The following FTO variants were observed in gnomAD, a reference collection of about 807,000 sequenced individuals.
FTO encodes the protein FTO alpha-ketoglutarate dependent dioxygenase.
FTO carries 47 observed loss-of-function variants against 63.9 expected under a neutral mutation model. The ratio of observed to expected loss-of-function variants is 0.74; its 90% CI spans 0.58 to 0.94. The LOEUF is 0.94. FTO is among the 40% of genes least tolerant of loss of function. FTO has a pLI of 0.00. For missense variants in FTO, 562 were observed against 618.1 expected (o/e 0.91, Z 0.96); for synonymous variants, 207 against 224.4 (o/e 0.92, Z 0.69).
At chr16:54,100,540 A>G (rs1175841513) in intron 8 of FTO, among the ~76,000 whole-genome samples, 1 of 152,110 alleles carries the variant, frequency 6.6e-6, no homozygotes, top group East Asian at 1.9e-4. Flanking sequence ...TTTTTCGTAC[A>G]GATGGGGTTT....
intron 8 of FTO, among the ~76,000 whole-genome samples, chr16:53,971,156 C>T (rs1364262457): frequency 6.6e-6 from 1 of 152,170 alleles, no homozygotes; most frequent in African/African-American, 2.4e-5. Context: ...GGATGTATTA[C>T]AATATGCAAA....
chr16:53,953,324 T>C (rs2082843823), intron 8 of FTO, among the ~76,000 whole-genome samples: 1 of 152,248 alleles, frequency 6.6e-6, no homozygotes, highest in South Asian at 2.1e-4. Context: ...TCTTTTATTG[T>C]CTGGCCCCAC....
rs2087003986 is a variant in FTO, at chr16:54,121,373, CAG to C, written c.*9460_*9461del. 1 of 152,174 alleles carries C rather than the reference CAG, an allele frequency of 6.6e-6. No homozygotes were observed. The highest frequency in any genetic ancestry group is 2.4e-5 in the African/African-American group (1 of 41,438). The allele number at this position is 152,174 out of a possible 1,614,324, so 9.4% of individuals were successfully genotyped here. On this transcript the variant is annotated 3_prime_UTR_variant, in exon 9 of 9. Coordinates refer to ENST00000471389, the MANE Select transcript of FTO (RefSeq NM_001080432.3). The stretch of plus-strand genomic sequence containing the variant: ...ATACTCATGCCAACATCTCTCTGTA[CAG>C]AAACATGGAAAAAGAGCGATGCTAT...
intron 3 of FTO, among the ~76,000 whole-genome samples, chr16:53,843,265 G>A (rs1042587338): frequency 6.6e-6 from 1 of 152,128 alleles, no homozygotes; most frequent in South Asian, 2.1e-4. Context: ...ATTTCTATAA[G>A]AGTCAAAGAG....
At chr16:53,948,207 T>G (rs1271858237) in intron 8 of FTO, among the ~76,000 whole-genome samples, 1 of 152,124 alleles carries the variant, frequency 6.6e-6, no homozygotes, top group Non-Finnish European at 1.5e-5. Context: ...AGACCTGGTT[T>G]GGAGGGATTT....
intron 7 of FTO, among the ~76,000 whole-genome samples, chr16:53,927,079 T>C (rs190615903): frequency 1.8e-4 from 27 of 152,300 alleles, no homozygotes; most frequent in Non-Finnish European, 3.5e-4. Context: ...TTTGGACATA[T>C]ACTTTTAAAA....
At chr16:53,755,449 G>T (rs1483270840) in intron 1 of FTO, among the ~76,000 whole-genome samples, 4 of 152,096 alleles carry the variant, frequency 2.6e-5, no homozygotes, top group Non-Finnish European at 5.9e-5. Flanking sequence ...GGGATTACAG[G>T]GAGTACTTCA....
chr16:53,991,883 G>A (rs2083818941), intron 8 of FTO: 1 of 152,132 alleles, frequency 6.6e-6, no homozygotes, highest in Admixed American at 6.5e-5. Context: ...CTGAAGTAGG[G>A]TTCAGTTGGG....
At chr16:53,914,698 G>A (rs2081816171) in intron 7 of FTO, among the ~76,000 whole-genome samples, 1 of 152,172 alleles carries the variant, frequency 6.6e-6, no homozygotes, top group Non-Finnish European at 1.5e-5. Flanking sequence ...GAATGCTTAA[G>A]GGACTCACTA....
rs2086993444 is a variant in FTO, at chr16:54,119,749, T to C, written c.*7834T>C. On this transcript the variant is annotated 3_prime_UTR_variant, in exon 9 of 9. Transcript: ENST00000471389. ...AGCTTGAATGCATTCAAAGCTAAAC[T>C]ATTGGATCATTTAAGGGCTGCAGTG... 1 of 152,204 alleles carries C rather than the reference T, an allele frequency of 6.6e-6. No homozygotes were observed. Among genetic ancestry groups the C allele is most frequent in the Non-Finnish European group, 1.5e-5 (1 of 68,036 alleles). 9.4% of individuals were successfully genotyped at this position (152,204 alleles called of 1,614,324 possible).
chr16:53,811,406 A>G (rs145372467), intron 2 of FTO, among the ~76,000 whole-genome samples: 2 of 152,282 alleles, frequency 1.3e-5, no homozygotes, highest in African/African-American at 4.8e-5. Context: ...GAAGAGAGGA[A>G]GGAAGGACTT....
At chr16:53,861,177 A>G (rs2080165345) in intron 4 of FTO, among the ~76,000 whole-genome samples, 1 of 152,162 alleles carries the variant, frequency 6.6e-6, no homozygotes, top group Non-Finnish European at 1.5e-5. Context: ...AATTGCTAGA[A>G]GTTGAATGCC....
chr16:54,110,564 A>T (rs1418898456), intron 8 of FTO, among the ~76,000 whole-genome samples: 4 of 152,168 alleles, frequency 2.6e-5, no homozygotes, highest in Non-Finnish European at 5.9e-5. Context: ...CCCCGGGGGG[A>T]TCCCCTCACC....
chr16:53,858,587 C>A (rs943606250), intron 4 of FTO, among the ~76,000 whole-genome samples: 8 of 152,118 alleles, frequency 5.3e-5, no homozygotes, highest in African/African-American at 1.7e-4. Context: ...TTATGGAATG[C>A]TCAGTTTGTT....
intron 8 of FTO, among the ~76,000 whole-genome samples, chr16:54,059,097 C>T (rs755498055): frequency 6.6e-6 from 1 of 152,164 alleles, no homozygotes; most frequent in Non-Finnish European, 1.5e-5. Flanking sequence ...TATGAAAAAT[C>T]GTAGTTTACA....
At chr16:53,893,265 A>G (rs1296423148) in intron 7 of FTO, among the ~76,000 whole-genome samples, 1 of 152,096 alleles carries the variant, frequency 6.6e-6, no homozygotes, top group East Asian at 1.9e-4. Flanking sequence ...TAACACTATA[A>G]TACTATTCAA....
At position 53,756,398 on chromosome 16, in the gene FTO, T is replaced by A. The variant is rs554143463; in HGVS notation, c.45+52169T>A. ...TTTGTTAAGGCCATAGGAAGCTTTT[T>A]AAAATTTCAGATTTCAAATGTCAAG... On this transcript the variant is annotated intron_variant, in intron 1 of 8. Transcript: ENST00000471389. Among the ~76,000 whole-genome samples the A allele has an allele frequency of 2.0e-5, 3 of 152,332 alleles. No homozygotes were observed. In the South Asian group the frequency reaches 6.2e-4, roughly 32 times the overall value.
chr16:53,984,321 CTTTTTTTTTTTTTTTTT>C (rs5816913), intron 8 of FTO, among the ~76,000 whole-genome samples: 1 of 67,290 alleles, frequency 1.5e-5, no homozygotes, highest in Non-Finnish European at 2.8e-5. Context: ...TGGAATGGGT[CTTTTTTTTTTTTTTTTT>C]TTTTTTTTTT....
chr16:54,101,841 T>C (rs569901854), intron 8 of FTO, among the ~76,000 whole-genome samples: 43 of 152,334 alleles, frequency 2.8e-4, no homozygotes, highest in Middle Eastern at 6.8e-3. Context: ...TTTTTTACTT[T>C]TAATAATAGC....
Sources: allele counts gnomAD v4.1 joint callset (sites outside exome capture counted in the v4.1 genomes callset), GRCh38; gene constraint gnomAD v4.1.1; transcripts MANE v1.5; gene names NCBI Gene and HGNC (gene_info 2026-07-23, HGNC 2026-07-21).